Variants in GRID2 observed in about 807,000 individuals in gnomAD.
GRID2 encodes the protein glutamate receptor ionotropic, delta-2.
A neutral mutation model predicts 114.8 loss-of-function variants in GRID2; 33 were observed. The observed-to-expected ratio is 0.29, with a 90% confidence interval of 0.22 to 0.38. The LOEUF (loss-of-function observed/expected upper bound fraction) is 0.38. Ranked by LOEUF, GRID2 falls within the 10% of genes least tolerant of loss-of-function variation. The pLI, the probability that GRID2 is intolerant of heterozygous loss-of-function variation, is 1.00. For missense variants in GRID2, 1,184 were observed against 1,257.7 expected, an observed-to-expected ratio of 0.94 and a Z score of 0.89; for synonymous variants, 505 against 449.9, an observed-to-expected ratio of 1.12 and a Z score of -1.55.
chr4:92,755,792 C>A (rs1737687290), intron 2 of GRID2, among the ~76,000 whole-genome samples: 1 of 152,028 alleles, frequency 6.6e-6, no homozygotes, highest in African/African-American at 2.4e-5. Context: ...TATATCATTG[C>A]AAGAATTTAA....
At chr4:93,131,303 G>A (rs952633006) in intron 4 of GRID2, among the ~76,000 whole-genome samples, 2 of 151,172 alleles carry the variant, frequency 1.3e-5, no homozygotes, top group African/African-American at 2.4e-5. Context: ...ACAGGCACTC[G>A]CTTCCATGCC....
chr4:93,427,462 G>A (rs1277829754), intron 10 of GRID2, among the ~76,000 whole-genome samples: 3 of 151,968 alleles, frequency 2.0e-5, no homozygotes, highest in East Asian at 3.8e-4. Flanking sequence ...ATTAACTCGT[G>A]TGCCTTTCTA....
At chr4:93,746,875 T>C (rs1731883708) in intron 14 of GRID2, among the ~76,000 whole-genome samples, 1 of 152,132 alleles carries the variant, frequency 6.6e-6, no homozygotes, top group Non-Finnish European at 1.5e-5. Flanking sequence ...GAAAATTCCC[T>C]AAGAAATTAA....
At chr4:93,681,796 C>T (rs930996535) in intron 14 of GRID2, among the ~76,000 whole-genome samples, 2 of 152,306 alleles carry the variant, frequency 1.3e-5, no homozygotes, top group African/African-American at 4.8e-5. Flanking sequence ...GGATTAAAGA[C>T]TTACATGTTA....
At chr4:92,975,583 G>C (rs1280053462) in intron 2 of GRID2, among the ~76,000 whole-genome samples, 1 of 152,008 alleles carries the variant, frequency 6.6e-6, no homozygotes, top group East Asian at 1.9e-4. Flanking sequence ...AACCTTCTCT[G>C]TCACCTCACT....
chr4:92,946,292 G>C (rs1159668235), intron 2 of GRID2, among the ~76,000 whole-genome samples: 1 of 151,988 alleles, frequency 6.6e-6, no homozygotes, highest in South Asian at 2.1e-4. Context: ...TATATATTTT[G>C]TGCTTATTTG....
intron 1 of GRID2, among the ~76,000 whole-genome samples, chr4:92,546,932 C>G (rs1726292326): frequency 6.6e-6 from 1 of 152,162 alleles, no homozygotes; most frequent in Non-Finnish European, 1.5e-5. Flanking sequence ...TCCCTACATC[C>G]CTCCTGTTTA....
intron 1 of GRID2, among the ~76,000 whole-genome samples, chr4:92,333,734 C>T (rs1490444803): frequency 1.3e-5 from 2 of 152,038 alleles, no homozygotes; most frequent in Non-Finnish European, 2.9e-5. Context: ...TTTTTAAAAA[C>T]ATTTCATTTA....
At chr4:92,841,990 A>G (rs1003579081) in intron 2 of GRID2, among the ~76,000 whole-genome samples, 2 of 152,114 alleles carry the variant, frequency 1.3e-5, no homozygotes, top group Non-Finnish European at 2.9e-5. Flanking sequence ...CCTTAATGCA[A>G]TGCTTCTGGA....
intron 8 of GRID2, among the ~76,000 whole-genome samples, chr4:93,321,692 T>G (rs1371110087): frequency 6.6e-6 from 1 of 151,990 alleles, no homozygotes; most frequent in Non-Finnish European, 1.5e-5. Context: ...TATTCACTTC[T>G]GGGATATTAT....
In GRID2 at chr4:92,359,421, C is replaced by T. The variant is rs534431847; in HGVS notation, c.88+54677C>T. ...AATGTTGGCAAGTTACTTATCTGAC[C>T]TATAACTTTTTCATCTGTTAATCAG... is the stretch of plus-strand genomic sequence containing the variant. On this transcript the variant is annotated intron_variant, in intron 1 of 15. Transcript: ENST00000282020. 3.3e-5 allele frequency among the ~76,000 whole-genome samples: 5 copies of T among 152,074 alleles called. No homozygotes were observed. The South Asian group carries it at 1.0e-3, about 32-fold the overall frequency.
chr4:93,371,777 T>C, intron 8 of GRID2, among the ~76,000 whole-genome samples: 1 of 143,672 alleles, frequency 7.0e-6, no homozygotes, highest in Non-Finnish European at 1.5e-5. Context: ...AGATGGAGTC[T>C]TGCTGTGTTG....
intron 4 of GRID2, among the ~76,000 whole-genome samples, chr4:93,160,277 A>T (rs1301450520): frequency 1.3e-5 from 2 of 151,858 alleles, no homozygotes; most frequent in Admixed American, 6.6e-5. Flanking sequence ...ACAGTAATCA[A>T]TATAGATAAG....
At chr4:92,363,688 T>C (rs13143394) in intron 1 of GRID2, among the ~76,000 whole-genome samples, 28,406 of 151,942 alleles carry the variant, frequency 0.19, 3,839 homozygotes, top group African/African-American at 0.39. Flanking sequence ...TAACATACTA[T>C]GTTCCTAAAA....
intron 11 of GRID2, among the ~76,000 whole-genome samples, chr4:93,458,916 T>C (rs917971782): frequency 1.2e-4 from 18 of 151,908 alleles, no homozygotes; most frequent in Admixed American, 3.9e-4. Flanking sequence ...AGGCCTGGCA[T>C]GGTGGCACAT....
At chr4:93,250,218 C>T (rs535583972) in intron 8 of GRID2, among the ~76,000 whole-genome samples, 4 of 152,072 alleles carry the variant, frequency 2.6e-5, no homozygotes, top group Admixed American at 6.6e-5. Flanking sequence ...AGCTGGAAAC[C>T]ATCATTCTAA....
At chr4:93,553,525 A>T (rs1733993478) in intron 13 of GRID2, among the ~76,000 whole-genome samples, 1 of 152,182 alleles carries the variant, frequency 6.6e-6, no homozygotes, top group Non-Finnish European at 1.5e-5. Flanking sequence ...CTACATTTTC[A>T]TTTCAAATCC....
chr4:92,340,932 A>G (rs1727448209), intron 1 of GRID2, among the ~76,000 whole-genome samples: 1 of 152,140 alleles, frequency 6.6e-6, no homozygotes, highest in Non-Finnish European at 1.5e-5. Flanking sequence ...GTATTTTTAC[A>G]TTTTAGACTG....
chr4:93,590,221 T>C (rs1367762207), intron 13 of GRID2, among the ~76,000 whole-genome samples: 1 of 150,666 alleles, frequency 6.6e-6, no homozygotes, highest in Non-Finnish European at 1.5e-5. Flanking sequence ...CATCTTGAAC[T>C]GATTTTTGTA....
Sources: allele counts gnomAD v4.1 joint callset (sites outside exome capture counted in the v4.1 genomes callset), GRCh38; gene constraint gnomAD v4.1.1; transcripts MANE v1.5; gene names NCBI Gene and HGNC (gene_info 2026-07-23, HGNC 2026-07-21).